The following FOXP2 variants were observed in gnomAD, a reference collection of about 807,000 sequenced individuals.
FOXP2 encodes the protein forkhead box protein P2.
In FOXP2, 12 loss-of-function variants were observed where a neutral mutation model predicts 115.8. The observed-to-expected ratio is 0.10, with a 90% CI of 0.07 to 0.17. The LOEUF is 0.17. Among genes scored for constraint, FOXP2 ranks in the 10% least tolerant of loss-of-function variants. FOXP2 has a pLI of 1.00. For synonymous variants in FOXP2, 328 were observed against 297.7 expected (o/e 1.10, Z -1.05); for missense variants, 629 against 843.5 (o/e 0.75, Z 3.15).
intron 8 of FOXP2, among the ~76,000 whole-genome samples, chr7:114,646,253 A>G (rs1212598850): frequency 6.6e-6 from 1 of 151,922 alleles, no homozygotes; most frequent in African/African-American, 2.4e-5. Context: ...GGACTAACCC[A>G]CTCACCATGC....
chr7:114,607,911 T>C (rs1563030356), intron 3 of FOXP2, among the ~76,000 whole-genome samples: 1 of 152,144 alleles, frequency 6.6e-6, no homozygotes, highest in Non-Finnish European at 1.5e-5. Flanking sequence ...TTCTTATAAT[T>C]TTACAATTTT....
At chr7:114,145,425 T>A (rs1792336437) in intron 1 of FOXP2, among the ~76,000 whole-genome samples, 1 of 108,748 alleles carries the variant, frequency 9.2e-6, no homozygotes, top group Admixed American at 1.2e-4. Flanking sequence ...ATAGTAGCTT[T>A]GCCATTTTTT....
intron 2 of FOXP2, among the ~76,000 whole-genome samples, chr7:114,478,164 A>G (rs1278583937): frequency 2.0e-5 from 3 of 152,016 alleles, no homozygotes; most frequent in Non-Finnish European, 4.4e-5. Context: ...ATATTTTTAT[A>G]GTAAAAGAGA....
At position 114,364,414 on chromosome 7, in the gene FOXP2, A is replaced by G. The variant is rs575312400; in HGVS notation, c.-10-62088A>G. On this transcript the variant is annotated intron_variant, in intron 2 of 17. Transcript: ENST00000634411. ...GTGACAAGGAGAACTGGGTGAGACT[A>G]TGTAGATGGATTGGTGCAAATTCGT... Among the ~76,000 whole-genome samples the G allele has an allele frequency of 1.6e-4, 24 of 152,242 alleles. No homozygotes were observed. The East Asian group carries it at 4.1e-3, about 26-fold the overall frequency.
chr7:114,450,926 G>A (rs188923864), intron 2 of FOXP2, among the ~76,000 whole-genome samples: 1 of 151,978 alleles, frequency 6.6e-6, no homozygotes, highest in Admixed American at 6.6e-5. Context: ...TAAAACACAA[G>A]TTGGTTTAAT....
At chr7:114,309,539 T>G (rs1797094178) in intron 2 of FOXP2, among the ~76,000 whole-genome samples, 1 of 152,170 alleles carries the variant, frequency 6.6e-6, no homozygotes, top group Non-Finnish European at 1.5e-5. Flanking sequence ...TGGGACAGGC[T>G]TGATCAGCAT....
intron 2 of FOXP2, among the ~76,000 whole-genome samples, chr7:114,359,374 G>A (rs984546268): frequency 1.3e-5 from 2 of 152,228 alleles, no homozygotes; most frequent in Non-Finnish European, 2.9e-5. Context: ...TGCTAGGGGA[G>A]CACAAAAGGG....
At chr7:114,659,483 G>A (rs779686615) in intron 12 of FOXP2, 51 bp downstream of exon 12, 2 of 1,586,968 alleles carry the variant, frequency 1.3e-6, no homozygotes, top group East Asian at 2.2e-5. Flanking sequence ...ATTCATTAAT[G>A]CTTAAAGTAA....
chr7:114,087,542 A>T (rs1013205770), upstream of FOXP2, among the ~76,000 whole-genome samples: 1 of 151,558 alleles, frequency 6.6e-6, no homozygotes, highest in Non-Finnish European at 1.5e-5. Context: ...GTTACCTGGA[A>T]GTCCACAGTG....
chr7:114,463,949 C>A (rs1202491888), intron 2 of FOXP2, among the ~76,000 whole-genome samples: 1 of 151,984 alleles, frequency 6.6e-6, no homozygotes, highest in Non-Finnish European at 1.5e-5. Context: ...TCTATTTTGA[C>A]TATATATTTT....
chr7:114,398,764 T>C (rs376349322), intron 2 of FOXP2, among the ~76,000 whole-genome samples: 19 of 152,352 alleles, frequency 1.2e-4, no homozygotes, highest in African/African-American at 4.1e-4. Context: ...AGTGTAGGAC[T>C]CTGGACGAAG....
intron 3 of FOXP2, among the ~76,000 whole-genome samples, chr7:114,558,269 A>G (rs1800567501): frequency 6.6e-6 from 1 of 152,222 alleles, no homozygotes; most frequent in Non-Finnish European, 1.5e-5. Context: ...AATTACCATT[A>G]AATCTTTATT....
At chr7:114,454,661 C>T (rs1169259896) in intron 2 of FOXP2, among the ~76,000 whole-genome samples, 2,310 of 87,058 alleles carry the variant, frequency 0.027, no homozygotes, top group South Asian at 0.035. Flanking sequence ...AAATGTGGCA[C>T]ATATACACCA....
chr7:114,687,036 T>A (rs1302543904), intron 16 of FOXP2, among the ~76,000 whole-genome samples: 2 of 152,188 alleles, frequency 1.3e-5, no homozygotes, highest in Non-Finnish European at 2.9e-5. Flanking sequence ...AAATGTTGTA[T>A]ACTTGTTGCT....
intron 2 of FOXP2, among the ~76,000 whole-genome samples, chr7:114,454,053 A>G (rs1424497258): frequency 6.6e-6 from 1 of 151,762 alleles, no homozygotes; most frequent in East Asian, 1.9e-4. Flanking sequence ...CTGCACAGCA[A>G]AAGAAACTAC....
chr7:114,641,187 A>G lies in FOXP2; in HGVS notation c.776-1223A>G, dbSNP rs148755901. On this transcript the variant is annotated intron_variant, in intron 6 of 16. Coordinates refer to ENST00000350908, the MANE Select transcript of FOXP2 (RefSeq NM_014491.4). ...TGTTTCCTTTTCCATGAATTGCTTA[A>G]TCATACCAACTCTATTAGTTTGTAC... Among the ~76,000 whole-genome samples, 943 of 152,258 alleles carry G rather than the reference A, an allele frequency of 6.2e-3. 8 individuals carry two copies. The highest frequency in any genetic ancestry group is 0.021 in the African/African-American group (873 of 41,550).
At chr7:114,392,338 G>A (rs1298412919) in intron 2 of FOXP2, among the ~76,000 whole-genome samples, 1 of 152,202 alleles carries the variant, frequency 6.6e-6, no homozygotes, top group African/African-American at 2.4e-5. Context: ...GAACTAGGGT[G>A]ATGCAAATAT....
At chr7:114,521,707 G>A (rs568621528) in intron 2 of FOXP2, among the ~76,000 whole-genome samples, 1 of 151,794 alleles carries the variant, frequency 6.6e-6, no homozygotes, top group African/African-American at 2.4e-5. Flanking sequence ...AATGAAAGAG[G>A]TAAAGAATAT....
chr7:114,361,451 C>T (rs1192235281), intron 2 of FOXP2, among the ~76,000 whole-genome samples: 2 of 151,914 alleles, frequency 1.3e-5, no homozygotes, highest in Non-Finnish European at 2.9e-5. Flanking sequence ...TAGCTATAGT[C>T]AGAAAGAGAC....
Sources: allele counts gnomAD v4.1 joint callset (sites outside exome capture counted in the v4.1 genomes callset), GRCh38; gene constraint gnomAD v4.1.1; transcripts MANE v1.5; gene names NCBI Gene and HGNC (gene_info 2026-07-23, HGNC 2026-07-21).